SYN3: variants seen among roughly 807,000 people sequenced by gnomAD.
The protein encoded by SYN3 is synapsin III.
SYN3 carries 35 observed loss-of-function variants against 65.8 expected under a neutral mutation model. The ratio of observed to expected loss-of-function variants is 0.53; its 90% CI spans 0.41 to 0.70. The LOEUF is 0.70. SYN3 is among the 30% of genes least tolerant of loss of function. The probability of loss-of-function intolerance (pLI) is 0.00; values close to 1 mark genes in which losing one functional copy is unlikely to be tolerated. For missense variants in SYN3, 680 were observed against 749.0 expected (o/e 0.91, Z 1.08); for synonymous variants, 270 against 292.9 (o/e 0.92, Z 0.80).
chr22:32,666,742 T>A (rs2060294908), intron 6 of SYN3, among the ~76,000 whole-genome samples: 1 of 152,220 alleles, frequency 6.6e-6, no homozygotes, highest in African/African-American at 2.4e-5. Flanking sequence ...TTATTTTCTG[T>A]TCATTGTCTG....
chr22:32,667,425 C>G (rs2051864219), intron 6 of SYN3, among the ~76,000 whole-genome samples: 2 of 152,106 alleles, frequency 1.3e-5, no homozygotes, highest in Non-Finnish European at 2.9e-5. Context: ...ACATATTTTT[C>G]TATCAGCATG....
intron 6 of SYN3, among the ~76,000 whole-genome samples, chr22:32,715,292 G>A (rs2061021966): frequency 6.6e-6 from 1 of 152,148 alleles, no homozygotes; most frequent in Non-Finnish European, 1.5e-5. Context: ...TCTAGTCTCT[G>A]GTATGTCCTG....
intron 3 of SYN3, among the ~76,000 whole-genome samples, chr22:32,974,129 A>C (rs2052107205): frequency 6.6e-6 from 1 of 152,248 alleles, no homozygotes; most frequent in Admixed American, 6.5e-5. Context: ...GGTTGAAATA[A>C]GATTATGCAT....
chr22:32,754,670 T>C (rs902376213), intron 6 of SYN3, among the ~76,000 whole-genome samples: 3 of 152,190 alleles, frequency 2.0e-5, no homozygotes, highest in Non-Finnish European at 4.4e-5. Flanking sequence ...GCACTGTAAA[T>C]TCCAGCAAGT....
At chr22:32,565,102 C>G (rs535508716) in intron 7 of SYN3, among the ~76,000 whole-genome samples, 3 of 150,070 alleles carry the variant, frequency 2.0e-5, no homozygotes, top group Non-Finnish European at 4.4e-5. Context: ...TGCTCCCGGA[C>G]TGCACCCAGA....
At chr22:33,026,077 T>C (rs2053637583) in intron 1 of SYN3, among the ~76,000 whole-genome samples, 1 of 152,150 alleles carries the variant, frequency 6.6e-6, no homozygotes, top group Non-Finnish European at 1.5e-5. Flanking sequence ...ACTAGATGGC[T>C]GCATCTTAGA....
At chr22:32,780,200 C>T (rs2046005435) in intron 6 of SYN3, among the ~76,000 whole-genome samples, 1 of 152,136 alleles carries the variant, frequency 6.6e-6, no homozygotes. Flanking sequence ...CAGCTGCCAG[C>T]TCACTGGTGT....
At chr22:32,623,441 C>G (rs59218864) in intron 6 of SYN3, among the ~76,000 whole-genome samples, 13,224 of 152,224 alleles carry the variant, frequency 0.087, 1,236 homozygotes, top group African/African-American at 0.23. Flanking sequence ...AGTGATCCTC[C>G]CATCTCGGCC....
Position 32,801,846 on chromosome 22 carries a change from C to A in SYN3, c.711+63069G>T, listed in dbSNP as rs1602182591. ...GCAGCCTCGCTGCGCCCCATCCCGT[C>A]CCGCCGGGCACTCGGAGGGCAGCGC... On this transcript the variant is annotated intron_variant, in intron 6 of 13. Coordinates refer to ENST00000358763, the MANE Select transcript of SYN3 (RefSeq NM_003490.4). The surrounding 1 kb of genome is among the most constrained non-coding windows in gnomAD (Gnocchi z 4.7). 1 of 974,924 alleles carries A rather than the reference C, an allele frequency of 1.0e-6. No individual in the cohort carries two copies. Among genetic ancestry groups the A allele is most frequent in the Non-Finnish European group, 1.3e-6 (1 of 761,728 alleles). 60.4% of individuals were successfully genotyped at this position (974,924 alleles called of 1,614,324 possible).
intron 4 of SYN3, among the ~76,000 whole-genome samples, chr22:32,883,724 T>G (rs1601617542): frequency 1.3e-5 from 2 of 152,358 alleles, no homozygotes; most frequent in South Asian, 4.1e-4. Context: ...TGATGATATC[T>G]CCATTCAGTG....
intron 4 of SYN3, among the ~76,000 whole-genome samples, chr22:32,910,346 C>T (rs2050019688): frequency 6.6e-6 from 1 of 152,066 alleles, no homozygotes; most frequent in African/African-American, 2.4e-5. Context: ...GATCACTCAG[C>T]ACCCCGTACC....
Position 32,915,654 on chromosome 22 carries a change from C to T in SYN3, c.461+15736G>A, listed in dbSNP as rs568924967. Among the ~76,000 whole-genome samples, 5 of 152,248 alleles carry T rather than the reference C, an allele frequency of 3.3e-5. No homozygotes were observed. The South Asian group carries it at 6.2e-4, about 19-fold the overall frequency. On this transcript the variant is annotated intron_variant, in intron 4 of 13. Coordinates refer to ENST00000358763, the MANE Select transcript of SYN3 (RefSeq NM_003490.4). The stretch of plus-strand genomic sequence containing the variant: ...GAGAATATGCTTGACCTACACAGAA[C>T]AGCAAAGGATGGAAGTACCATTGTG...
intron 6 of SYN3, among the ~76,000 whole-genome samples, chr22:32,739,379 T>TCC (rs1569185431): frequency 2.0e-5 from 3 of 146,966 alleles, no homozygotes; most frequent in African/African-American, 5.0e-5. Context: ...ACCCCCCCTT[T>TCC]TTTTTTTTTT....
At chr22:32,880,729 G>A (rs892527609) in intron 4 of SYN3, among the ~76,000 whole-genome samples, 3 of 152,206 alleles carry the variant, frequency 2.0e-5, no homozygotes, top group East Asian at 1.9e-4. Flanking sequence ...TTTTGCAGAT[G>A]AGGATAACTG....
chr22:32,929,055 G>A (rs751708540), intron 4 of SYN3, among the ~76,000 whole-genome samples: 13 of 152,274 alleles, frequency 8.5e-5, no homozygotes, highest in South Asian at 2.1e-4. Flanking sequence ...GGCCAAGGCC[G>A]GGGGATCTCC....
intron 2 of SYN3, among the ~76,000 whole-genome samples, chr22:32,985,716 G>T (rs2052506272): frequency 6.6e-6 from 1 of 152,196 alleles, no homozygotes; most frequent in South Asian, 2.1e-4. Context: ...CTGACTGGGG[G>T]TCTGCTTCCC....
intron 3 of SYN3, among the ~76,000 whole-genome samples, chr22:32,944,291 A>T (rs1601750710): frequency 6.6e-6 from 1 of 152,298 alleles, no homozygotes; most frequent in African/African-American, 2.4e-5. Flanking sequence ...GGATTAAGAA[A>T]CTCACTCAAA....
In SYN3 at chr22:32,541,714, C is replaced by T. The variant is rs1458193150; in HGVS notation, c.775-1G>A. The T allele has an allele frequency of 6.2e-7, 1 of 1,613,664 alleles. No homozygotes were observed. The highest frequency in any genetic ancestry group is 8.5e-7 in the Non-Finnish European group (1 of 1,179,834). On this transcript the variant is annotated splice_acceptor_variant, in intron 7 of 13. Transcript: ENST00000358763. LOFTEE classifies it high-confidence loss of function. ...AGTCAAGCTGGTTTTCCACTTTGAT[C>T]TGTGTGGGAGGATGAGGGGGATGAG...
chr22:32,969,914 G>A (rs2051966622), intron 3 of SYN3, among the ~76,000 whole-genome samples: 1 of 152,164 alleles, frequency 6.6e-6, no homozygotes, highest in African/African-American at 2.4e-5. Flanking sequence ...AACTATGATT[G>A]AACATATGTG....
Sources: allele counts gnomAD v4.1 joint callset (sites outside exome capture counted in the v4.1 genomes callset), GRCh38; gene constraint gnomAD v4.1.1; non-coding constraint Gnocchi (gnomAD v3.1); transcripts MANE v1.5; gene names NCBI Gene and HGNC (gene_info 2026-07-23, HGNC 2026-07-21).